WBP11: variants seen among roughly 807,000 people sequenced by gnomAD.
WBP11 encodes WW domain-binding protein 11.
Under a neutral mutation model 66.7 loss-of-function variants are expected in WBP11, and 12 were observed. That is an observed-to-expected ratio of 0.18 (90% CI 0.12 to 0.29). The LOEUF (loss-of-function observed/expected upper bound fraction) is 0.29. WBP11 is among the 10% of genes least tolerant of loss of function. WBP11 has a pLI of 1.00. For synonymous variants in WBP11, 255 were observed against 273.8 expected (o/e 0.93, Z 0.68); for missense variants, 555 against 818.3 (o/e 0.68, Z 3.93).
chr12:14,800,481 G>A (rs1949949602), intron 3 of WBP11, among the ~76,000 whole-genome samples: 1 of 151,892 alleles, frequency 6.6e-6, no homozygotes, highest in Non-Finnish European at 1.5e-5. Context: ...ATGTTTTAAT[G>A]AGTAAAAAAA....
chr12:14,795,440 A>G (rs1949882087), intron 5 of WBP11, among the ~76,000 whole-genome samples: 1 of 152,190 alleles, frequency 6.6e-6, no homozygotes, highest in Admixed American at 6.5e-5. Flanking sequence ...TGATAGAAAA[A>G]TACATGTCAG....
At chr12:14,803,256 G>T (rs528022314) in intron 1 of WBP11, 96 bp downstream of exon 1, 31 of 394,324 alleles carry the variant, frequency 7.9e-5, no homozygotes, top group African/African-American at 6.2e-4. Context: ...GAGGAGGAGC[G>T]GGGCAAAGGG....
intron 8 of WBP11, among the ~76,000 whole-genome samples, chr12:14,792,787 T>C (rs1949835857): frequency 6.6e-6 from 1 of 150,778 alleles, no homozygotes. Flanking sequence ...GAGCTGAGAT[T>C]GTGCCATTGC....
intron 5 of WBP11, 92 bp from the exon 6 acceptor site, chr12:14,795,196 A>G (rs1196280523): frequency 3.7e-6 from 5 of 1,350,746 alleles, no homozygotes; most frequent in Admixed American, 3.2e-5. Context: ...TAACTTGGAC[A>G]TGCTTTCCAA....
chr12:14,787,978 TG>T (rs757627010), intron 11 of WBP11, among the ~76,000 whole-genome samples: 3 of 152,184 alleles, frequency 2.0e-5, no homozygotes, highest in Non-Finnish European at 4.4e-5. Context: ...GGCTCACACT[TG>T]TAATCCCAGC....
Position 14,796,710 on chromosome 12 carries a change from TA to T in WBP11, c.387+96del. On this transcript the variant is annotated intron_variant, in intron 5 of 11. Coordinates refer to ENST00000261167, the MANE Select transcript of WBP11 (RefSeq NM_016312.3). The surrounding 1 kb of genome is among the most constrained non-coding windows in gnomAD (Gnocchi z 4.5). ...AAATATAAAAAAAACCCAACAACCC[TA>T]AATCCAAAACACTTCTGGTCCCAAG... 1 of 1,204,734 alleles carries T rather than the reference TA, an allele frequency of 8.3e-7. No individual in the cohort carries two copies. The highest frequency in any genetic ancestry group is 1.1e-6 in the Non-Finnish European group (1 of 888,040). The allele number at this position is 1,204,734 out of a possible 1,614,324, so 74.6% of individuals were successfully genotyped here.
intron 4 of WBP11, 78 bp downstream of exon 4, chr12:14,799,557 G>A (rs1478323532): frequency 3.0e-6 from 4 of 1,324,344 alleles, no homozygotes; most frequent in Non-Finnish European, 3.2e-6. Context: ...TTTTACTTAC[G>A]CCTATGCTGC....
At chr12:14,799,084 T>C (rs935583687) in intron 4 of WBP11, among the ~76,000 whole-genome samples, 2 of 152,172 alleles carry the variant, frequency 1.3e-5, no homozygotes. Flanking sequence ...TTAAAATGCA[T>C]ATGAAGAGTG....
At position 14,793,837 on chromosome 12, in the gene WBP11, G is replaced by A. The variant is rs2137234655; in HGVS notation, c.807C>T (p.Asp269=). ...PEDMDQDKHD[D]STDDSDTDKS... is the part of the protein sequence containing the mutation. The stretch of plus-strand genomic sequence containing the variant: ...TGTCGGTGTCACTGTCATCAGTACT[G>A]TCATCATGCTTATCTTGATCCATGT... The change falls in exon 8 of 12, where the codon GAC becomes GAT. Residue 269 remains aspartate, a synonymous_variant. Transcript: ENST00000261167. 1 of 1,613,818 alleles carries A rather than the reference G, an allele frequency of 6.2e-7. No homozygotes were observed. Among genetic ancestry groups the A allele is most frequent in the Middle Eastern group, 1.7e-4 (1 of 6,060 alleles).
At position 14,790,454 on chromosome 12, in the gene WBP11, ACCTGGAGGTGGACCAGGAGGAAGG is replaced by A; in HGVS notation, c.1287_1309+1del. The A allele has an allele frequency of 6.2e-7, 1 of 1,613,322 alleles. No individual in the cohort carries two copies. Among genetic ancestry groups the A allele is most frequent in the Non-Finnish European group, 8.5e-7 (1 of 1,179,540 alleles). ...CTTTATTCACATTATGTAAGTGTTT[ACCTGGAGGTGGACCAGGAGGAAGG>A]CCTGTAGGTGGCCCAGGAGGCCGTA... On this transcript the variant is annotated splice_donor_variant and coding_sequence_variant, in exon 10 of 12. Coordinates refer to ENST00000261167, the MANE Select transcript of WBP11 (RefSeq NM_016312.3). LOFTEE classifies it high-confidence loss of function.
In WBP11 at chr12:14,796,891, T is replaced by C. The variant is rs748632415; in HGVS notation, c.303A>G (p.Pro101=). 8 of 1,612,812 alleles carry C rather than the reference T, an allele frequency of 5.0e-6. No individual in the cohort carries two copies. In the African/African-American group the frequency reaches 1.1e-4, roughly 22 times the overall value. ...RILRLYEKEN[P]DIYKELRKLE... is the part of the protein sequence containing the mutation. ...GCTTTCTCAATTCTTTGTAAATATC[T>C]GGATTCTCTTTTTCATAGAGTCGTA... The change falls in exon 5 of 12, where the codon CCA becomes CCG. Residue 101 remains proline, a synonymous_variant. Coordinates refer to ENST00000261167, the MANE Select transcript of WBP11 (RefSeq NM_016312.3). This position sits in a 1 kb window ranked among gnomAD's most constrained non-coding sequence, Gnocchi z 4.5.
chr12:14,789,444 G>A (rs1472498246), intron 10 of WBP11, among the ~76,000 whole-genome samples: 4 of 152,110 alleles, frequency 2.6e-5, no homozygotes, highest in Non-Finnish European at 5.9e-5. Context: ...AATTAGCCGG[G>A]CATGGTGGCA....
rs1372135788 is a variant in WBP11, at chr12:14,796,135, G to T, written c.387+672C>A. ...CATAAAAATGAAATCATAACAATGAGATAAACTTAGCATGTTTTTGAGATT... is the reference window on the plus strand; with the variant it reads ...CATAAAAATGAAATCATAACAATGATATAAACTTAGCATGTTTTTGAGATT... On this transcript the variant is annotated intron_variant, in intron 5 of 11. Transcript: ENST00000261167. The surrounding 1 kb of genome is among the most constrained non-coding windows in gnomAD (Gnocchi z 4.5). Among the ~76,000 whole-genome samples the T allele has an allele frequency of 6.6e-6, 1 of 152,004 alleles. No homozygotes were observed. Among genetic ancestry groups the T allele is most frequent in the Non-Finnish European group, 1.5e-5 (1 of 67,996 alleles).
At position 14,785,841 on chromosome 12, in the gene WBP11, C is replaced by T. The variant is rs932656206; in HGVS notation, c.*1224G>A. 5 of 152,154 alleles carry T rather than the reference C, an allele frequency of 3.3e-5. No individual in the cohort carries two copies. Among genetic ancestry groups the T allele is most frequent in the South Asian group, 2.1e-4 (1 of 4,828 alleles). The allele number at this position is 152,154 out of a possible 1,614,324, so 9.4% of individuals were successfully genotyped here. A position where few individuals can be genotyped will look rare whatever the true frequency, so the allele number is the denominator to read the frequency against. On this transcript the variant is annotated 3_prime_UTR_variant, in exon 12 of 12. Coordinates refer to ENST00000261167, the MANE Select transcript of WBP11 (RefSeq NM_016312.3). ...ACACTTTGGATCACTGGATAAATCA[C>T]GAGTCCTTTTTAAGTTTCAATACTC...
chr12:14,795,458 G>A lies in WBP11; in HGVS notation c.388-354C>T, dbSNP rs147586261. On this transcript the variant is annotated intron_variant, in intron 5 of 11. Coordinates refer to ENST00000261167, the MANE Select transcript of WBP11 (RefSeq NM_016312.3). The stretch of plus-strand genomic sequence containing the variant: ...TAGAAAAATACATGTCAGGCTGGGC[G>A]TGGTAGCTCACACCTGTAATCCGAG... Among the ~76,000 whole-genome samples, 10 of 152,312 alleles carry A rather than the reference G, an allele frequency of 6.6e-5. No individual in the cohort carries two copies. The East Asian group carries it at 1.7e-3, about 26-fold the overall frequency.
intron 1 of WBP11, among the ~76,000 whole-genome samples, chr12:14,802,692 A>C: frequency 9.2e-6 from 1 of 109,274 alleles, no homozygotes; most frequent in South Asian, 3.2e-4. Flanking sequence ...AAAACTGGGG[A>C]TGGGGGGGTT....
intron 3 of WBP11, 136 bp from the exon 4 acceptor site, chr12:14,799,864 T>A (rs908646301): frequency 5.2e-6 from 4 of 768,014 alleles, no homozygotes; most frequent in Non-Finnish European, 7.9e-6. Context: ...GCTATGTAAT[T>A]TTTTGCCTTA....
chr12:14,793,652 C>G lies in WBP11; in HGVS notation c.913+79G>C, dbSNP rs979975867. The G allele has an allele frequency of 2.7e-6, 4 of 1,489,084 alleles. No homozygotes were observed. In the South Asian group the frequency reaches 4.0e-5, roughly 15 times the overall value. The allele number at this position is 1,489,084 out of a possible 1,614,324, so 92.2% of individuals were successfully genotyped here. ...TTCCAAAGATTTCAGAGTACTCTCA[C>G]AGATTCATTAATAAATTAGGACCTT... On this transcript the variant is annotated intron_variant, in intron 8 of 11. Transcript: ENST00000261167.
At position 14,786,102 on chromosome 12, in the gene WBP11, A is replaced by T. The variant is rs1949751284; in HGVS notation, c.*963T>A. 6.6e-6 allele frequency: 1 copy of T among 152,242 alleles called. No homozygotes were observed. The highest frequency in any genetic ancestry group is 2.4e-5 in the African/African-American group (1 of 41,466). The allele number at this position is 152,242 out of a possible 1,614,324, so 9.4% of individuals were successfully genotyped here. ...AACCCACCAATTCAGAAAGGAAAAA[A>T]AGCTAACCTCTTCTGATTCTTTTAT... On this transcript the variant is annotated 3_prime_UTR_variant, in exon 12 of 12. Coordinates refer to ENST00000261167, the MANE Select transcript of WBP11 (RefSeq NM_016312.3).
Sources: allele counts gnomAD v4.1 joint callset (sites outside exome capture counted in the v4.1 genomes callset), GRCh38; gene constraint gnomAD v4.1.1; non-coding constraint Gnocchi (gnomAD v3.1); transcripts MANE v1.5; gene names NCBI Gene and HGNC (gene_info 2026-07-23, HGNC 2026-07-21).